Variants in RASGEF1C observed in about 807,000 individuals in gnomAD.
The protein encoded by RASGEF1C is ras-GEF domain-containing family member 1C.
Under a neutral mutation model 58.1 loss-of-function variants are expected in RASGEF1C, and 27 were observed. The ratio of observed to expected loss-of-function variants is 0.46; its 90% CI spans 0.34 to 0.64. The LOEUF is 0.64. RASGEF1C is among the 30% of genes least tolerant of loss of function. The probability of loss-of-function intolerance (pLI) is 0.01; values close to 1 mark genes in which losing one functional copy is unlikely to be tolerated. For synonymous variants in RASGEF1C, 243 were observed against 246.3 expected, an observed-to-expected ratio of 0.99 and a Z score of 0.13; for missense variants, 502 against 605.1, an observed-to-expected ratio of 0.83 and a Z score of 1.79.
intron 1 of RASGEF1C, among the ~76,000 whole-genome samples, chr5:180,201,247 G>T (rs1756390551): frequency 6.6e-6 from 1 of 152,192 alleles, no homozygotes; most frequent in South Asian, 2.1e-4. Context: ...CTGCTTCTAG[G>T]GGCCAGGCAT....
chr5:180,174,489 C>CGT (rs1266771571), intron 1 of RASGEF1C, among the ~76,000 whole-genome samples: 98 of 96,306 alleles, frequency 1.0e-3, no homozygotes, highest in Non-Finnish European at 1.5e-3. Context: ...TCTGTGTGTG[C>CGT]GCGTGTGTGT....
chr5:180,145,035 C>A (rs937268189), intron 1 of RASGEF1C, among the ~76,000 whole-genome samples: 5 of 152,202 alleles, frequency 3.3e-5, no homozygotes, highest in Non-Finnish European at 7.3e-5. Context: ...ATATTTTGTT[C>A]ATCTATTCAT....
chr5:180,190,292 C>T (rs539112617), intron 1 of RASGEF1C, among the ~76,000 whole-genome samples: 2 of 151,596 alleles, frequency 1.3e-5, no homozygotes, highest in South Asian at 4.2e-4. Context: ...TCGAGACCAT[C>T]CTGGCTAACA....
At chr5:180,111,645 G>T in intron 11 of RASGEF1C, 65 bp from the exon 12 acceptor site, 1 of 1,591,078 alleles carries the variant, frequency 6.3e-7, no homozygotes. Context: ...ATGAGGGGGA[G>T]GGGCTGGTCC....
At chr5:180,107,342 G>C (rs967619667) in intron 12 of RASGEF1C, among the ~76,000 whole-genome samples, 1 of 151,888 alleles carries the variant, frequency 6.6e-6, no homozygotes. Context: ...TTTGTTCTCT[G>C]TTTTATTTTT....
intron 1 of RASGEF1C, among the ~76,000 whole-genome samples, chr5:180,178,068 G>A (rs1435900427): frequency 6.6e-6 from 1 of 151,638 alleles, no homozygotes; most frequent in Non-Finnish European, 1.5e-5. Flanking sequence ...CCAGGTTCAA[G>A]TGATTCTCCT....
At chr5:180,114,137 G>A (rs916514597) in intron 11 of RASGEF1C, among the ~76,000 whole-genome samples, 20 of 152,198 alleles carry the variant, frequency 1.3e-4, no homozygotes, top group African/African-American at 4.3e-4. Flanking sequence ...CACCTTGCTG[G>A]TTGTCACTGT....
rs561484461 is a variant in RASGEF1C at position 180,167,514 on chromosome 5, AAATT to A, written c.-6-29460_-6-29457del. Among the ~76,000 whole-genome samples, 244 of 152,222 alleles carry A rather than the reference AAATT, an allele frequency of 1.6e-3. 1 individual carries two copies. Among genetic ancestry groups the A allele is most frequent in the African/African-American group, 5.3e-3 (222 of 41,554 alleles). On this transcript the variant is annotated intron_variant, in intron 1 of 13. Transcript: ENST00000361132. ...TAAATAAATAAATAAATAATAAAATAAATTAATTAAATAAAATTTTGGTTATTGT... is the reference window on the plus strand; with the variant it reads ...TAAATAAATAAATAAATAATAAAATAAATTAAATAAAATTTTGGTTATTGT...
intron 6 of RASGEF1C, among the ~76,000 whole-genome samples, chr5:180,121,637 TCACACACACA>T (rs762495633): frequency 4.1e-4 from 46 of 113,352 alleles, no homozygotes; most frequent in Admixed American, 2.5e-3. Context: ...AAATGTAACT[TCACACACACA>T]CACACACACA....
chr5:180,133,314 G>A (rs572123741), intron 4 of RASGEF1C, among the ~76,000 whole-genome samples: 1 of 152,338 alleles, frequency 6.6e-6, no homozygotes, highest in East Asian at 1.9e-4. Flanking sequence ...GAGAGCTGGT[G>A]TGGAGCACAG....
intron 1 of RASGEF1C, among the ~76,000 whole-genome samples, chr5:180,196,369 C>A (rs1003610298): frequency 2.6e-5 from 4 of 151,816 alleles, no homozygotes; most frequent in Non-Finnish European, 5.9e-5. Context: ...GGTGTCGTGG[C>A]GGAAGACTGT....
intron 4 of RASGEF1C, among the ~76,000 whole-genome samples, chr5:180,132,538 C>T (rs964134420): frequency 2.6e-5 from 4 of 152,364 alleles, no homozygotes; most frequent in South Asian, 2.1e-4. Context: ...AGAAAGCCGA[C>T]GCAGGAGCTC....
chr5:180,126,338 C>T (rs999501103), intron 6 of RASGEF1C, among the ~76,000 whole-genome samples: 2 of 152,076 alleles, frequency 1.3e-5, no homozygotes, highest in East Asian at 1.9e-4. Context: ...ACCCGGGAGG[C>T]GGAGCTTGCA....
chr5:180,172,791 T>C (rs1463697014), intron 1 of RASGEF1C, among the ~76,000 whole-genome samples: 4 of 152,066 alleles, frequency 2.6e-5, no homozygotes, highest in African/African-American at 9.7e-5. Context: ...CCCTGCCTCC[T>C]GTACTCCCTG....
rs565904440 is a variant in RASGEF1C at position 180,145,962 on chromosome 5, T to G, written c.-6-7904A>C. On this transcript the variant is annotated intron_variant, in intron 1 of 13. Coordinates refer to ENST00000361132, the MANE Select transcript of RASGEF1C (RefSeq NM_175062.4). The stretch of plus-strand genomic sequence containing the variant: ...CTGGATATCAATCCCTTATTAGCTA[T>G]GTGATTTGTAAATATCTTCTCCTAT... Among the ~76,000 whole-genome samples, 54 of 152,370 alleles carry G rather than the reference T, an allele frequency of 3.5e-4. No homozygotes were observed. In the South Asian group the frequency reaches 3.7e-3, roughly 11 times the overall value.
intron 1 of RASGEF1C, among the ~76,000 whole-genome samples, chr5:180,207,543 TCCCGGGCAGGG>T (rs1021269776): frequency 1.8e-4 from 28 of 152,158 alleles, no homozygotes; most frequent in Middle Eastern, 3.4e-3. Context: ...AAGGGCCAGG[TCCCGGGCAGGG>T]CCCCACCTCT....
chr5:180,159,039 T>A (rs934278499), intron 1 of RASGEF1C, among the ~76,000 whole-genome samples: 2 of 152,108 alleles, frequency 1.3e-5, no homozygotes, highest in African/African-American at 4.8e-5. Flanking sequence ...GAGGTCTTTT[T>A]TTTTGTCCTT....
intron 1 of RASGEF1C, among the ~76,000 whole-genome samples, chr5:180,157,759 C>G (rs1383577325): frequency 6.6e-6 from 1 of 152,040 alleles, no homozygotes; most frequent in Non-Finnish European, 1.5e-5. Flanking sequence ...CATTCTGGAA[C>G]ATGAACATTT....
rs149254297 is a variant in RASGEF1C, at chr5:180,143,075, C to T, written c.-6-5017G>A. ...TCCTTGTGTGTGTCTCCAGGCCCTG[C>T]ACCTGGAGGTCCTGGGGCTCCTGCA... On this transcript the variant is annotated intron_variant, in intron 1 of 13. Transcript: ENST00000361132. This position sits in a 1 kb window ranked among gnomAD's most constrained non-coding sequence, Gnocchi z 4.3. Among the ~76,000 whole-genome samples the T allele has an allele frequency of 1.3e-5, 2 of 152,252 alleles. No individual in the cohort carries two copies. The highest frequency in any genetic ancestry group is 1.9e-4 in the East Asian group (1 of 5,150).
Sources: gnomAD v4.1 joint callset for allele counts (sites outside exome capture counted in the v4.1 genomes callset) on GRCh38, gnomAD v4.1.1 for gene constraint, Gnocchi (gnomAD v3.1) non-coding constraint, MANE v1.5 for transcripts, NCBI Gene and HGNC (gene_info 2026-07-23, HGNC 2026-07-21) for gene names.